The following HDAC9 variants were observed in gnomAD, a reference collection of about 807,000 sequenced individuals.
HDAC9 encodes histone deacetylase 9.
In HDAC9, 41 loss-of-function variants were observed where a neutral mutation model predicts 139.4. The observed-to-expected ratio is 0.29, with a 90% CI of 0.23 to 0.38. The LOEUF (loss-of-function observed/expected upper bound fraction) is 0.38, where lower values mean the gene tolerates loss of function less well. HDAC9 is among the 10% of genes least tolerant of loss of function. HDAC9 has a pLI of 1.00. For synonymous variants in HDAC9, 517 were observed against 476.2 expected (o/e 1.09, Z -1.12); for missense variants, 1,147 against 1,297.0 (o/e 0.88, Z 1.78).
intron 2 of HDAC9, among the ~76,000 whole-genome samples, chr7:18,180,150 C>G (rs1432200602): frequency 6.6e-6 from 1 of 151,506 alleles, no homozygotes; most frequent in African/African-American, 2.4e-5. Flanking sequence ...CCTTAGTTGC[C>G]TTGCTTCATC....
chr7:18,595,873 G>A (rs992880600), intron 6 of HDAC9, among the ~76,000 whole-genome samples: 1 of 151,978 alleles, frequency 6.6e-6, no homozygotes, highest in African/African-American at 2.4e-5. Context: ...GTTGCCATGC[G>A]AACAGCTTAA....
intron 1 of HDAC9, among the ~76,000 whole-genome samples, chr7:18,490,354 C>A (rs1481361730): frequency 6.6e-6 from 1 of 152,018 alleles, no homozygotes; most frequent in Admixed American, 6.6e-5. Flanking sequence ...TAGAATAAAT[C>A]TTGGCTCAAC....
At chr7:18,443,142 A>G (rs545666878) in intron 1 of HDAC9, among the ~76,000 whole-genome samples, 31 of 152,344 alleles carry the variant, frequency 2.0e-4, no homozygotes, top group East Asian at 1.9e-3. Context: ...CTAGCCAGGA[A>G]TGGTGAAGAC....
intron 22 of HDAC9, among the ~76,000 whole-genome samples, chr7:18,933,402 G>T (rs1473042777): frequency 6.6e-6 from 1 of 152,070 alleles, no homozygotes; most frequent in African/African-American, 2.4e-5. Context: ...GGCAACAAGA[G>T]AGCTAGAGGA....
At chr7:18,286,535 C>G (rs908643187), upstream of HDAC9, among the ~76,000 whole-genome samples, 8 of 151,452 alleles carry the variant, frequency 5.3e-5, no homozygotes, top group African/African-American at 1.7e-4. Context: ...GGAGGATCAG[C>G]TTTGAATCAT....
At chr7:18,813,017 C>T (rs1794300245) in intron 17 of HDAC9, among the ~76,000 whole-genome samples, 1 of 152,012 alleles carries the variant, frequency 6.6e-6, no homozygotes. Context: ...TTCCAGTTCT[C>T]TTTTGAAATT....
At chr7:18,143,175 C>T (rs970981769) in intron 1 of HDAC9, among the ~76,000 whole-genome samples, 7 of 152,286 alleles carry the variant, frequency 4.6e-5, no homozygotes, top group African/African-American at 1.4e-4. Flanking sequence ...CGCCTATTGT[C>T]AAATTAATAA....
At chr7:18,610,578 C>G (rs1836850710) in intron 6 of HDAC9, among the ~76,000 whole-genome samples, 2 of 152,150 alleles carry the variant, frequency 1.3e-5, no homozygotes, top group Non-Finnish European at 2.9e-5. Context: ...CTCAAATAAC[C>G]TGGACTAAGA....
At chr7:18,559,897 C>T (rs956875258) in intron 2 of HDAC9, among the ~76,000 whole-genome samples, 4 of 152,110 alleles carry the variant, frequency 2.6e-5, no homozygotes, top group African/African-American at 9.7e-5. Context: ...AAATATAAGT[C>T]TTACACTAAA....
At chr7:18,125,216 A>G (rs1368593555) in intron 1 of HDAC9, among the ~76,000 whole-genome samples, 5 of 152,030 alleles carry the variant, frequency 3.3e-5, no homozygotes, top group Non-Finnish European at 7.4e-5. Context: ...AGCCATATCA[A>G]TTCCTGCCAC....
chr7:18,368,153 T>A (rs1471295269), intron 1 of HDAC9, among the ~76,000 whole-genome samples: 1 of 152,128 alleles, frequency 6.6e-6, no homozygotes, highest in East Asian at 1.9e-4. Context: ...AAATGGAAGC[T>A]TTCTTTTTGA....
chr7:18,264,872 A>G (rs1167176772), intron 2 of HDAC9, among the ~76,000 whole-genome samples: 1 of 152,218 alleles, frequency 6.6e-6, no homozygotes. Flanking sequence ...TTAGCTATCT[A>G]TACTTTTAAA....
At chr7:18,578,176 C>A (rs779113411) in intron 2 of HDAC9, 9 of 518,864 alleles carry the variant, frequency 1.7e-5, no homozygotes, top group Admixed American at 1.9e-5. Flanking sequence ...TGGTGAGTGA[C>A]CTCCACAAAC....
chr7:18,574,610 T>C (rs574381471), intron 2 of HDAC9, among the ~76,000 whole-genome samples: 2 of 152,306 alleles, frequency 1.3e-5, no homozygotes, highest in Non-Finnish European at 1.5e-5. Flanking sequence ...TGTTCACGGT[T>C]CCCAGGCTGT....
intron 17 of HDAC9, among the ~76,000 whole-genome samples, chr7:18,822,704 A>G (rs566602037): frequency 1.3e-5 from 2 of 152,258 alleles, no homozygotes; most frequent in African/African-American, 4.8e-5. Context: ...CAGGCAGTTG[A>G]CTAGTCTTAA....
chr7:18,740,214 C>G (rs900077377), intron 13 of HDAC9, among the ~76,000 whole-genome samples: 3 of 152,202 alleles, frequency 2.0e-5, no homozygotes, highest in Non-Finnish European at 4.4e-5. Context: ...CCCCCAACCC[C>G]TTGTGCTTCC....
At chr7:18,476,547 C>A (rs1481377803) in intron 1 of HDAC9, among the ~76,000 whole-genome samples, 1 of 151,482 alleles carries the variant, frequency 6.6e-6, no homozygotes, top group African/African-American at 2.4e-5. Flanking sequence ...TCAGATGTGA[C>A]CCCAAACCCA....
intron 1 of HDAC9, among the ~76,000 whole-genome samples, chr7:18,121,173 T>C (rs769497383): frequency 3.9e-5 from 6 of 152,222 alleles, no homozygotes; most frequent in Non-Finnish European, 7.3e-5. Context: ...ATTTGAAAAC[T>C]TACATTTTAT....
chr7:18,339,749 C>T (rs369424231), intron 1 of HDAC9, among the ~76,000 whole-genome samples: 17 of 151,518 alleles, frequency 1.1e-4, no homozygotes, highest in East Asian at 3.9e-4. Flanking sequence ...GGATTAAAAA[C>T]ATAACTTCTA....
Sources: gnomAD v4.1 joint callset for allele counts (sites outside exome capture counted in the v4.1 genomes callset) on GRCh38, gnomAD v4.1.1 for gene constraint, MANE v1.5 for transcripts, NCBI Gene and HGNC (gene_info 2026-07-23, HGNC 2026-07-21) for gene names.